The following ASIC2 variants were observed in gnomAD, a reference collection of about 807,000 sequenced individuals.
ASIC2 encodes acid-sensing ion channel 2.
Under a neutral mutation model 57.3 loss-of-function variants are expected in ASIC2, and 25 were observed. The ratio of observed to expected loss-of-function variants is 0.44; its 90% CI spans 0.32 to 0.61. The LOEUF is 0.61. Among genes scored for constraint, ASIC2 ranks in the 20% least tolerant of loss-of-function variants. The probability of loss-of-function intolerance (pLI) is 0.06; values close to 1 mark genes in which losing one functional copy is unlikely to be tolerated. For synonymous variants in ASIC2, 319 were observed against 307.5 expected, an observed-to-expected ratio of 1.04 and a Z score of -0.39; for missense variants, 641 against 738.1, an observed-to-expected ratio of 0.87 and a Z score of 1.52.
intron 1 of ASIC2, among the ~76,000 whole-genome samples, chr17:33,884,730 C>A (rs531232525): frequency 6.6e-6 from 1 of 152,164 alleles, no homozygotes; most frequent in East Asian, 1.9e-4. Context: ...CCCCACACCC[C>A]CTAAGCTAGA....
chr17:33,705,356 T>A (rs1597842554), intron 1 of ASIC2, among the ~76,000 whole-genome samples: 1 of 152,224 alleles, frequency 6.6e-6, no homozygotes, highest in Non-Finnish European at 1.5e-5. Flanking sequence ...TGTTTGTGGT[T>A]GGCTTAGCAG....
intron 1 of ASIC2, among the ~76,000 whole-genome samples, chr17:33,803,503 A>C (rs1912188617): frequency 1.3e-5 from 2 of 151,718 alleles, no homozygotes; most frequent in Admixed American, 1.3e-4. Context: ...GATGCGGTGG[A>C]TACCTAATGT....
chr17:33,829,714 GC>G (rs1416785901), intron 1 of ASIC2, among the ~76,000 whole-genome samples: 1 of 151,882 alleles, frequency 6.6e-6, no homozygotes, highest in East Asian at 1.9e-4. Context: ...GGGATTACAG[GC>G]CACTGTGCCT....
At chr17:33,073,215 A>G (rs573037311) in intron 3 of ASIC2, among the ~76,000 whole-genome samples, 16 of 152,344 alleles carry the variant, frequency 1.1e-4, no homozygotes, top group African/African-American at 3.6e-4. Flanking sequence ...AAAAGCTTGG[A>G]AAATAAAAAC....
intron 1 of ASIC2, among the ~76,000 whole-genome samples, chr17:33,722,555 C>G (rs1909420718): frequency 6.6e-6 from 1 of 151,600 alleles, no homozygotes; most frequent in Non-Finnish European, 1.5e-5. Context: ...CTGCTTGAAG[C>G]CAGGAGTTAG....
chr17:34,001,191 AG>A (rs1336629264), intron 1 of ASIC2: 2 of 152,144 alleles, frequency 1.3e-5, no homozygotes, highest in Non-Finnish European at 2.9e-5. Flanking sequence ...TTGATGATGT[AG>A]GTACCTCCTT....
intron 3 of ASIC2, among the ~76,000 whole-genome samples, chr17:33,081,738 C>T (rs998394550): frequency 6.6e-6 from 1 of 152,306 alleles, no homozygotes; most frequent in Admixed American, 6.5e-5. Flanking sequence ...GGGCATCCCA[C>T]CAAGCTGCTG....
chr17:33,581,733 G>C (rs989616635), intron 1 of ASIC2, among the ~76,000 whole-genome samples: 2 of 152,222 alleles, frequency 1.3e-5, no homozygotes, highest in African/African-American at 4.8e-5. Flanking sequence ...AGGATGAAGT[G>C]AATTGGTGTC....
chr17:33,520,902 G>C (rs1200450285), intron 1 of ASIC2, among the ~76,000 whole-genome samples: 1 of 152,200 alleles, frequency 6.6e-6, no homozygotes, highest in Non-Finnish European at 1.5e-5. Flanking sequence ...CAGCAGGCTA[G>C]GGGATGCTTG....
intron 1 of ASIC2, among the ~76,000 whole-genome samples, chr17:33,759,842 C>T (rs977370569): frequency 6.6e-6 from 1 of 152,274 alleles, no homozygotes; most frequent in African/African-American, 2.4e-5. Context: ...CTGTGGAGGC[C>T]ACCCAGATTT....
chr17:34,088,929 T>C (rs1017985783), intron 1 of ASIC2, among the ~76,000 whole-genome samples: 1 of 152,200 alleles, frequency 6.6e-6, no homozygotes, highest in Non-Finnish European at 1.5e-5. Context: ...ATTTTCCAGG[T>C]GCCGTCTGTC....
At chr17:34,038,921 A>C in intron 1 of ASIC2, 1 of 1,612,790 alleles carries the variant, frequency 6.2e-7, no homozygotes, top group Non-Finnish European at 8.5e-7. Flanking sequence ...AAGATTCTGA[A>C]AAGCATAACC....
chr17:33,613,369 C>CT (rs546720725), intron 1 of ASIC2, among the ~76,000 whole-genome samples: 2,222 of 126,816 alleles, frequency 0.018, 54 homozygotes, highest in African/African-American at 0.045. Context: ...AATGTGTATT[C>CT]TTTTTTTTTT....
At chr17:33,148,459 C>A (rs555333754) in intron 1 of ASIC2, among the ~76,000 whole-genome samples, 1 of 152,324 alleles carries the variant, frequency 6.6e-6, no homozygotes, top group South Asian at 2.1e-4. Flanking sequence ...CGAGAAGAAG[C>A]ACACTTGGGT....
At chr17:34,025,394 C>T (rs1032539118) in intron 1 of ASIC2, among the ~76,000 whole-genome samples, 2 of 152,186 alleles carry the variant, frequency 1.3e-5, no homozygotes, top group African/African-American at 2.4e-5. Context: ...TGCACCCCCT[C>T]GTGGAGTGGA....
At chr17:34,152,048 A>T (rs1429722696) in intron 1 of ASIC2, among the ~76,000 whole-genome samples, 3 of 152,090 alleles carry the variant, frequency 2.0e-5, no homozygotes, top group Non-Finnish European at 4.4e-5. Context: ...GATAGACTAG[A>T]TTAGCTATGG....
intron 1 of ASIC2, among the ~76,000 whole-genome samples, chr17:33,217,404 A>C (rs1249552960): frequency 6.6e-6 from 1 of 152,248 alleles, no homozygotes; most frequent in African/African-American, 2.4e-5. Context: ...ACACACACAC[A>C]AACACACACG....
Position 34,154,699 on chromosome 17 carries a change from G to A in ASIC2, c.555+1279C>T, listed in dbSNP as rs1389040372. Among the ~76,000 whole-genome samples the A allele has an allele frequency of 1.1e-4, 16 of 152,268 alleles. No individual in the cohort carries two copies. The South Asian group carries it at 2.7e-3, about 26-fold the overall frequency. On this transcript the variant is annotated intron_variant, in intron 1 of 9. Coordinates refer to the ASIC2 transcript ENST00000359872. Reference sequence around the variant, plus strand: ...TAAGCAATGTCTTCATTAGGCAGAGGACCCTAGACAAGTGCTGGATCACAG... The same window carrying A: ...TAAGCAATGTCTTCATTAGGCAGAGAACCCTAGACAAGTGCTGGATCACAG...
intron 1 of ASIC2, among the ~76,000 whole-genome samples, chr17:33,709,345 A>G (rs1447083967): frequency 6.6e-6 from 1 of 152,266 alleles, no homozygotes; most frequent in African/African-American, 2.4e-5. Flanking sequence ...ATATGGCAGA[A>G]GGAACTTTTC....
Sources: allele counts gnomAD v4.1 joint callset (sites outside exome capture counted in the v4.1 genomes callset), GRCh38; gene constraint gnomAD v4.1.1; transcripts MANE v1.5; gene names NCBI Gene and HGNC (gene_info 2026-07-23, HGNC 2026-07-21).